The following BOLL variants were observed in gnomAD, a reference collection of about 807,000 sequenced individuals.
The protein encoded by BOLL is boule RNA binding protein, also known as protein boule-like.
BOLL carries 23 observed loss-of-function variants against 44.4 expected under a neutral mutation model. The observed-to-expected ratio is 0.52, with a 90% CI of 0.37 to 0.73. The LOEUF (loss-of-function observed/expected upper bound fraction) is 0.73. Ranked by LOEUF, BOLL falls within the 30% of genes least tolerant of loss-of-function variation. BOLL has a pLI of 0.00. For synonymous variants in BOLL, 97 were observed against 110.8 expected (o/e 0.88, Z 0.78); for missense variants, 287 against 338.3 (o/e 0.85, Z 1.19).
chr2:197,760,155 C>T (rs943932863), intron 7 of BOLL, among the ~76,000 whole-genome samples: 1 of 152,184 alleles, frequency 6.6e-6, no homozygotes, highest in Non-Finnish European at 1.5e-5. Flanking sequence ...CATTCTGGGC[C>T]TATGAAACAG....
rs547782971 is a variant in BOLL, at chr2:197,742,448, A to T, written c.828+613T>A. ...AACAACGATAGACTGGATTAAGAAA[A>T]TGTGGCAGATATACACCTCGGAATA... On this transcript the variant is annotated intron_variant, in intron 10 of 10. Coordinates refer to ENST00000392296, the MANE Select transcript of BOLL (RefSeq NM_033030.6). Among the ~76,000 whole-genome samples, 28 of 152,360 alleles carry T rather than the reference A, an allele frequency of 1.8e-4. No homozygotes were observed. In the South Asian group the frequency reaches 5.8e-3, roughly 32 times the overall value.
chr2:197,757,244 AAACAG>A (rs1688557573), intron 8 of BOLL, 104 bp downstream of exon 8: 2 of 868,592 alleles, frequency 2.3e-6, no homozygotes, highest in Non-Finnish European at 3.5e-6. Flanking sequence ...ATAAGTTAAT[AAACAG>A]AAGAAGAAGG....
chr2:197,751,159 G>A (rs537211565), intron 9 of BOLL, among the ~76,000 whole-genome samples: 15 of 152,260 alleles, frequency 9.9e-5, no homozygotes, highest in Admixed American at 7.8e-4. Context: ...TGTTTAGAGA[G>A]AAATTTATAG....
At position 197,732,632 on chromosome 2, in the gene BOLL, C is replaced by A. The variant is rs951239131; in HGVS notation, c.829-4054G>T. 8.5e-4 allele frequency among the ~76,000 whole-genome samples: 128 copies of A among 150,598 alleles called. 1 individual carries two copies. The highest frequency in any genetic ancestry group is 3.0e-3 in the African/African-American group (122 of 41,308). On this transcript the variant is annotated intron_variant, in intron 10 of 10. Transcript: ENST00000392296. ...CCACCATGATCAAGTGGGCTTCATCCCTGGGATGCAAGACTGGTTCAATAT... is the reference window on the plus strand; with the variant it reads ...CCACCATGATCAAGTGGGCTTCATCACTGGGATGCAAGACTGGTTCAATAT...
intron 1 of BOLL, chr2:197,784,719 C>A: frequency 1.0e-6 from 1 of 987,154 alleles, no homozygotes; most frequent in Non-Finnish European, 1.2e-6. Context: ...GGAGCCATCG[C>A]GCCAGGCCTA....
chr2:197,729,120 ACC>A (rs1687001920), intron 10 of BOLL, among the ~76,000 whole-genome samples: 1 of 152,176 alleles, frequency 6.6e-6, no homozygotes, highest in African/African-American at 2.4e-5. Context: ...GGGTGCGTGC[ACC>A]GTGCGCAAGC....
chr2:197,728,245 C>A lies in BOLL; in HGVS notation c.*310G>T. On this transcript the variant is annotated 3_prime_UTR_variant, in exon 11 of 11. Coordinates refer to ENST00000392296, the MANE Select transcript of BOLL (RefSeq NM_033030.6). Reference sequence around the variant, plus strand: ...AAAGCAGAGAAAATAAAAGACACCTCACTATTCCCAATGTGGTTATTATTT... The same window carrying A: ...AAAGCAGAGAAAATAAAAGACACCTAACTATTCCCAATGTGGTTATTATTT... 2 of 421,454 alleles carry A rather than the reference C, an allele frequency of 4.7e-6. No individual in the cohort carries two copies. The highest frequency in any genetic ancestry group is 2.0e-5 in the African/African-American group (1 of 49,282). 26.1% of individuals were successfully genotyped at this position (421,454 alleles called of 1,614,324 possible).
At chr2:197,784,387 A>AATACATATAC (rs1185486129) in intron 1 of BOLL, among the ~76,000 whole-genome samples, 7 of 94,450 alleles carry the variant, frequency 7.4e-5, no homozygotes, top group African/African-American at 3.3e-4. Context: ...ACAGCAGTCT[A>AATACATATAC]ATACATATAT....
At chr2:197,765,252 T>C (rs1001021195) in intron 7 of BOLL, among the ~76,000 whole-genome samples, 15 of 151,726 alleles carry the variant, frequency 9.9e-5, no homozygotes, top group Non-Finnish European at 1.5e-5. Flanking sequence ...GGGTGATGGG[T>C]GCATCAAAAT....
chr2:197,732,442 C>G (rs1392807037), intron 10 of BOLL, among the ~76,000 whole-genome samples: 5 of 152,090 alleles, frequency 3.3e-5, no homozygotes, highest in Non-Finnish European at 7.4e-5. Context: ...AAGAGGGAAT[C>G]CTCCCTAACT....
In BOLL at chr2:197,728,366, A is replaced by G; in HGVS notation, c.*189T>C. The stretch of plus-strand genomic sequence containing the variant: ...ACATCTACCTAAATAATTTTGTAGA[A>G]CAGCTGAAAAAGCAAATTTCATCAA... On this transcript the variant is annotated 3_prime_UTR_variant, in exon 11 of 11. Coordinates refer to ENST00000392296, the MANE Select transcript of BOLL (RefSeq NM_033030.6). 1.2e-6 allele frequency: 1 copy of G among 862,128 alleles called. No homozygotes were observed. The highest frequency in any genetic ancestry group is 2.7e-5 in the East Asian group (1 of 37,354). 53.4% of individuals were successfully genotyped at this position (862,128 alleles called of 1,614,324 possible). A position where few individuals can be genotyped will look rare whatever the true frequency, so the allele number is the denominator to read the frequency against.
intron 10 of BOLL, among the ~76,000 whole-genome samples, chr2:197,741,783 C>G: frequency 6.6e-6 from 1 of 151,832 alleles, no homozygotes; most frequent in East Asian, 1.9e-4. Context: ...CACCAAAAGC[C>G]ATGGCAACAA....
At chr2:197,780,219 G>A (rs1689704592) in intron 2 of BOLL, among the ~76,000 whole-genome samples, 1 of 152,028 alleles carries the variant, frequency 6.6e-6, no homozygotes, top group Admixed American at 6.6e-5. Flanking sequence ...TAAGCATTAA[G>A]AGGGATAGTC....
intron 10 of BOLL, among the ~76,000 whole-genome samples, chr2:197,742,768 A>G (rs2106326293): frequency 6.6e-6 from 1 of 152,286 alleles, no homozygotes; most frequent in South Asian, 2.1e-4. Context: ...TACATATGTA[A>G]CAAACCTGCA....
chr2:197,750,366 G>A (rs527975787), intron 9 of BOLL, among the ~76,000 whole-genome samples: 1 of 152,218 alleles, frequency 6.6e-6, no homozygotes, highest in East Asian at 1.9e-4. Flanking sequence ...TGGACAAAGA[G>A]TCAAGACCCA....
At chr2:197,757,852 T>C (rs1423254995) in intron 7 of BOLL, among the ~76,000 whole-genome samples, 5 of 152,134 alleles carry the variant, frequency 3.3e-5, no homozygotes, top group Non-Finnish European at 7.4e-5. Context: ...GTAAATGATA[T>C]GAATAGACTT....
intron 9 of BOLL, among the ~76,000 whole-genome samples, chr2:197,750,943 C>G (rs748754595): frequency 1.3e-5 from 2 of 152,174 alleles, no homozygotes; most frequent in African/African-American, 2.4e-5. Flanking sequence ...TCATAACAAA[C>G]AGTCTCTCAG....
At chr2:197,729,525 CAAAA>C (rs1687042616) in intron 10 of BOLL, among the ~76,000 whole-genome samples, 1 of 152,144 alleles carries the variant, frequency 6.6e-6, no homozygotes, top group African/African-American at 2.4e-5. Context: ...CACAGACAAA[CAAAA>C]AGATCAGTAA....
At chr2:197,757,072 A>G (rs2106350721) in intron 8 of BOLL, among the ~76,000 whole-genome samples, 1 of 152,270 alleles carries the variant, frequency 6.6e-6, no homozygotes, top group African/African-American at 2.4e-5. Flanking sequence ...TAATAGTAAA[A>G]AAGGGTAAGT....
Sources: gnomAD v4.1 joint callset for allele counts (sites outside exome capture counted in the v4.1 genomes callset) on GRCh38, gnomAD v4.1.1 for gene constraint, MANE v1.5 for transcripts, NCBI Gene and HGNC (gene_info 2026-07-23, HGNC 2026-07-21) for gene names.